The following BRD4 variants were observed in gnomAD, a reference collection of about 807,000 sequenced individuals.
The protein encoded by BRD4 is bromodomain containing 4.
Under a neutral mutation model 142.1 loss-of-function variants are expected in BRD4, and 16 were observed. The ratio of observed to expected loss-of-function variants is 0.11; its 90% CI spans 0.08 to 0.17. The LOEUF (loss-of-function observed/expected upper bound fraction) is 0.17. BRD4 is among the 10% of genes least tolerant of loss of function. The pLI is 1.00. For synonymous variants in BRD4, 833 were observed against 707.5 expected (o/e 1.18, Z -2.82); for missense variants, 1,424 against 1,810.9 (o/e 0.79, Z 3.88).
intron 1 of BRD4, among the ~76,000 whole-genome samples, chr19:15,325,037 G>C (rs1377364889): frequency 6.6e-6 from 1 of 152,166 alleles, no homozygotes; most frequent in African/African-American, 2.4e-5. Flanking sequence ...CTGGCTGTCA[G>C]CAGCTCTACT....
At chr19:15,321,223 A>G (rs2048058684) in intron 1 of BRD4, among the ~76,000 whole-genome samples, 1 of 151,952 alleles carries the variant, frequency 6.6e-6, no homozygotes, top group South Asian at 2.1e-4. Context: ...GACTCCATCA[A>G]GAAAGAATGG....
intron 1 of BRD4, among the ~76,000 whole-genome samples, chr19:15,290,617 A>G (rs2047774646): frequency 6.6e-6 from 1 of 152,146 alleles, no homozygotes; most frequent in Non-Finnish European, 1.5e-5. Context: ...AACATACAGA[A>G]CACCAACCCC....
chr19:15,320,906 T>C (rs2048055703), intron 1 of BRD4, among the ~76,000 whole-genome samples: 1 of 152,266 alleles, frequency 6.6e-6, no homozygotes, highest in South Asian at 2.1e-4. Flanking sequence ...CCATAATTTC[T>C]TGCTCCAAGT....
At chr19:15,306,331 T>G (rs1413831646) in intron 1 of BRD4, among the ~76,000 whole-genome samples, 1 of 152,194 alleles carries the variant, frequency 6.6e-6, no homozygotes, top group African/African-American at 2.4e-5. Flanking sequence ...TGCAGTGGCA[T>G]GATCACAGCT....
rs1452360570 is a variant in BRD4, at chr19:15,237,275, A to C, written c.*1102T>G. The C allele has an allele frequency of 9.9e-6, 2 of 202,694 alleles. No homozygotes were observed. The highest frequency in any genetic ancestry group is 4.7e-5 in the African/African-American group (2 of 42,902). The allele number at this position is 202,694 out of a possible 1,614,324, so 12.6% of individuals were successfully genotyped here. On this transcript the variant is annotated 3_prime_UTR_variant, in exon 20 of 20. Coordinates refer to ENST00000679869, the MANE Select transcript of BRD4 (RefSeq NM_001379291.1). ...GGGGGGGGGGTGGAGGGGAAAGAAA[A>C]GAAATTGTAGCTTTCTGGTTTTATA...
intron 1 of BRD4, among the ~76,000 whole-genome samples, chr19:15,285,051 C>T (rs1053706916): frequency 6.6e-6 from 1 of 152,194 alleles, no homozygotes; most frequent in East Asian, 1.9e-4. Flanking sequence ...GCAGCAGCCA[C>T]TCACAGAGCA....
At chr19:15,245,710 C>A (rs1436179235) in intron 11 of BRD4, among the ~76,000 whole-genome samples, 1 of 152,192 alleles carries the variant, frequency 6.6e-6, no homozygotes, top group East Asian at 1.9e-4. Context: ...TGAGCCCTGG[C>A]CAGTGCTCAT....
intron 5 of BRD4, among the ~76,000 whole-genome samples, chr19:15,265,059 C>T (rs1013093448): frequency 2.0e-5 from 3 of 152,244 alleles, no homozygotes; most frequent in Admixed American, 2.0e-4. Context: ...GGCCTCTCCC[C>T]AAGTGCCCAG....
Position 15,273,110 on chromosome 19 carries a change from C to A in BRD4, c.-11G>T. On this transcript the variant is annotated 5_prime_UTR_variant, in exon 2 of 20. The change creates a premature stop within an existing upstream ORF in the 5' untranslated region. Coordinates refer to ENST00000679869, the MANE Select transcript of BRD4 (RefSeq NM_001379291.1). The stretch of plus-strand genomic sequence containing the variant: ...GCTCTCCGCAGACATGCTAGTGATC[C>A]CATCACATTCTTCACCAGGCACTCT... 6.4e-7 allele frequency: 1 copy of A among 1,569,316 alleles called. No individual in the cohort carries two copies. The highest frequency in any genetic ancestry group is 8.7e-7 in the Non-Finnish European group (1 of 1,155,198).
intron 1 of BRD4, among the ~76,000 whole-genome samples, chr19:15,331,637 T>C (rs1019762426): frequency 5.3e-5 from 8 of 151,906 alleles, no homozygotes; most frequent in Non-Finnish European, 1.2e-4. Flanking sequence ...TGCCCCTTTC[T>C]CCGCAGCACT....
At chr19:15,300,820 T>C (rs1453814368) in intron 1 of BRD4, among the ~76,000 whole-genome samples, 1 of 152,080 alleles carries the variant, frequency 6.6e-6, no homozygotes, top group Non-Finnish European at 1.5e-5. Context: ...AAAACTCTCA[T>C]CCACTGCTGA....
intron 1 of BRD4, chr19:15,275,658 T>C (rs2047638493): frequency 6.6e-6 from 1 of 152,212 alleles, no homozygotes; most frequent in South Asian, 2.1e-4. Context: ...AAGACAAACC[T>C]GGTAGCTACC....
At chr19:15,318,748 G>C (rs904957340) in intron 1 of BRD4, among the ~76,000 whole-genome samples, 1 of 152,214 alleles carries the variant, frequency 6.6e-6, no homozygotes, top group East Asian at 1.9e-4. Flanking sequence ...AAATCATGGA[G>C]ACAGTTTACA....
chr19:15,331,058 G>A (rs1338385949), intron 1 of BRD4, among the ~76,000 whole-genome samples: 1 of 152,086 alleles, frequency 6.6e-6, no homozygotes, highest in Non-Finnish European at 1.5e-5. Context: ...TACATTCCAA[G>A]GGGTCACTAG....
intron 2 of BRD4, among the ~76,000 whole-genome samples, chr19:15,271,955 C>T (rs112393356): frequency 5.3e-5 from 8 of 152,144 alleles, no homozygotes; most frequent in South Asian, 2.1e-4. Flanking sequence ...CTCTGGTGTG[C>T]ACACACCAGT....
At chr19:15,305,730 T>C (rs1306068223) in intron 1 of BRD4, among the ~76,000 whole-genome samples, 1 of 152,232 alleles carries the variant, frequency 6.6e-6, no homozygotes, top group Non-Finnish European at 1.5e-5. Flanking sequence ...TAGCCCCTAA[T>C]GAGAGGCAGC....
intron 7 of BRD4, among the ~76,000 whole-genome samples, chr19:15,257,791 C>A (rs1039552631): frequency 2.6e-5 from 4 of 152,196 alleles, no homozygotes; most frequent in Admixed American, 2.0e-4. Flanking sequence ...CCAGCACACA[C>A]AGGACAAGGT....
chr19:15,300,042 GGA>G (rs1387550494), intron 1 of BRD4, among the ~76,000 whole-genome samples: 1 of 151,832 alleles, frequency 6.6e-6, no homozygotes, highest in Non-Finnish European at 1.5e-5. Context: ...CCCAGGAGCT[GGA>G]GACCAACTGG....
intron 1 of BRD4, chr19:15,275,865 G>C (rs868212452): frequency 6.6e-6 from 1 of 152,138 alleles, no homozygotes; most frequent in African/African-American, 2.4e-5. Flanking sequence ...AAAATTAGCC[G>C]GGCATGGTGG....
Sources: allele counts gnomAD v4.1 joint callset (sites outside exome capture counted in the v4.1 genomes callset), GRCh38; gene constraint gnomAD v4.1.1; transcripts MANE v1.5; gene names NCBI Gene and HGNC (gene_info 2026-07-23, HGNC 2026-07-21).